Variants in STK32B observed in about 807,000 individuals in gnomAD.
STK32B encodes the protein serine/threonine-protein kinase 32B.
In STK32B, 43 loss-of-function variants were observed where a neutral mutation model predicts 52.6. That is an observed-to-expected ratio of 0.82 (90% CI 0.64 to 1.05). The LOEUF (loss-of-function observed/expected upper bound fraction) is 1.05. Ranked by LOEUF, STK32B falls within the 50% of genes least tolerant of loss-of-function variation. The probability of loss-of-function intolerance (pLI) is 0.00; values close to 1 mark genes in which losing one functional copy is unlikely to be tolerated. For synonymous variants in STK32B, 238 were observed against 204.3 expected, an observed-to-expected ratio of 1.17 and a Z score of -1.41; for missense variants, 621 against 534.6, an observed-to-expected ratio of 1.16 and a Z score of -1.59.
chr4:5,362,370 A>G (rs1479939977), intron 4 of STK32B, among the ~76,000 whole-genome samples: 1 of 152,194 alleles, frequency 6.6e-6, no homozygotes, highest in East Asian at 1.9e-4. Context: ...ACTGAAATTC[A>G]AAACCCTCCT....
At chr4:5,118,676 C>G (rs1363964711) in intron 1 of STK32B, among the ~76,000 whole-genome samples, 6 of 152,162 alleles carry the variant, frequency 3.9e-5, no homozygotes, top group Non-Finnish European at 8.8e-5. Context: ...CACAGTTGTC[C>G]TACTTATTTG....
chr4:5,290,949 G>A (rs1728860547), intron 3 of STK32B, among the ~76,000 whole-genome samples: 1 of 152,054 alleles, frequency 6.6e-6, no homozygotes, highest in South Asian at 2.1e-4. Context: ...AATCTAGGCT[G>A]CATTCTTTCC....
intron 6 of STK32B, among the ~76,000 whole-genome samples, chr4:5,425,300 A>G (rs1461990308): frequency 6.6e-6 from 1 of 152,142 alleles, no homozygotes; most frequent in Non-Finnish European, 1.5e-5. Context: ...CACCCCAAGG[A>G]TCCTGTGACA....
chr4:5,117,501 T>C (rs1366473337), intron 1 of STK32B, among the ~76,000 whole-genome samples: 1 of 152,218 alleles, frequency 6.6e-6, no homozygotes, highest in African/African-American at 2.4e-5. Flanking sequence ...GTTCTTTGAT[T>C]AGTGGGACTA....
intron 1 of STK32B, among the ~76,000 whole-genome samples, chr4:5,080,705 C>A (rs961492939): frequency 6.6e-6 from 1 of 152,062 alleles, no homozygotes; most frequent in Non-Finnish European, 1.5e-5. Flanking sequence ...TGTGATATTT[C>A]AATATACATA....
intron 7 of STK32B, among the ~76,000 whole-genome samples, chr4:5,456,344 T>C (rs1716518992): frequency 6.6e-6 from 1 of 152,190 alleles, no homozygotes; most frequent in South Asian, 2.1e-4. Flanking sequence ...ACCCAGACAC[T>C]GGCCATCTCA....
intron 3 of STK32B, among the ~76,000 whole-genome samples, chr4:5,320,129 C>G (rs1279803883): frequency 6.6e-6 from 1 of 152,116 alleles, no homozygotes; most frequent in South Asian, 2.1e-4. Context: ...AATCCCTCCC[C>G]TTTTTTGATA....
At chr4:5,490,521 TA>T (rs1192868049) in intron 11 of STK32B, among the ~76,000 whole-genome samples, 4 of 152,186 alleles carry the variant, frequency 2.6e-5, no homozygotes, top group Non-Finnish European at 4.4e-5. Flanking sequence ...TCAGGAGGCC[TA>T]AAAGATAAGT....
Position 5,398,344 on chromosome 4 carries a change from T to C in STK32B, c.472+100T>C. On this transcript the variant is annotated intron_variant, in intron 5 of 11. Coordinates refer to ENST00000282908, the MANE Select transcript of STK32B (RefSeq NM_018401.3). This position sits in a 1 kb window ranked among gnomAD's most constrained non-coding sequence, Gnocchi z 4.9. Reference sequence around the variant, plus strand: ...GGGTTGGGTCTTGCTGAGTTGGACATTAGCATTGGCTAGAAACCTTCTCTT... The same window carrying C: ...GGGTTGGGTCTTGCTGAGTTGGACACTAGCATTGGCTAGAAACCTTCTCTT... The C allele has an allele frequency of 3.2e-6, 4 of 1,265,308 alleles. No individual in the cohort carries two copies. The highest frequency in any genetic ancestry group is 4.5e-6 in the Non-Finnish European group (4 of 883,308). 78.4% of individuals were successfully genotyped at this position (1,265,308 alleles called of 1,614,324 possible).
chr4:5,189,693 G>A (rs1480500788), intron 3 of STK32B, among the ~76,000 whole-genome samples: 2 of 152,134 alleles, frequency 1.3e-5, no homozygotes, highest in Non-Finnish European at 2.9e-5. Flanking sequence ...TTGCTGGATT[G>A]TATAGTAAGA....
chr4:5,042,246 A>G, the STK32B span, among the ~76,000 whole-genome samples: 1 of 152,240 alleles, frequency 6.6e-6, no homozygotes, highest in Non-Finnish European at 1.5e-5. Context: ...GCCACAGGAG[A>G]AGTTCTAAAC....
At chr4:5,050,262 A>C (rs753142379), upstream of STK32B, among the ~76,000 whole-genome samples, 9 of 152,116 alleles carry the variant, frequency 5.9e-5, no homozygotes, top group Admixed American at 3.3e-4. Flanking sequence ...CTCACAGACA[A>C]CCCAAGGAGT....
chr4:5,370,937 C>G (rs1577406734), intron 4 of STK32B, among the ~76,000 whole-genome samples: 1 of 151,528 alleles, frequency 6.6e-6, no homozygotes, highest in Non-Finnish European at 1.5e-5. Flanking sequence ...CATGCCACTG[C>G]ACTCCAGCCT....
At chr4:5,286,821 G>A (rs1240536970) in intron 3 of STK32B, among the ~76,000 whole-genome samples, 2 of 121,020 alleles carry the variant, frequency 1.7e-5, no homozygotes, top group Non-Finnish European at 3.1e-5. Context: ...TTTTTGAGAC[G>A]GAGTTTCGCT....
At chr4:5,030,463 T>C in the STK32B span, among the ~76,000 whole-genome samples, 1 of 152,204 alleles carries the variant, frequency 6.6e-6, no homozygotes, top group African/African-American at 2.4e-5. Flanking sequence ...TGCCATGCTG[T>C]CATATCCTGG....
chr4:5,258,392 A>G (rs1342610679), intron 3 of STK32B, among the ~76,000 whole-genome samples: 1 of 152,152 alleles, frequency 6.6e-6, no homozygotes, highest in Non-Finnish European at 1.5e-5. Flanking sequence ...AGTACCTAAC[A>G]TACCCCCAGT....
the STK32B span, among the ~76,000 whole-genome samples, chr4:5,020,245 T>C: frequency 3.6e-4 from 55 of 152,316 alleles, no homozygotes; most frequent in African/African-American, 1.2e-3. Context: ...GCTCTCCACT[T>C]AGACGCCGTG....
At chr4:5,351,010 A>T (rs971872283) in intron 4 of STK32B, among the ~76,000 whole-genome samples, 1 of 152,132 alleles carries the variant, frequency 6.6e-6, no homozygotes, top group African/African-American at 2.4e-5. Context: ...CTCCAGTACA[A>T]TAACAGTTGG....
At chr4:5,347,757 A>G (rs1733562400) in intron 4 of STK32B, among the ~76,000 whole-genome samples, 1 of 152,102 alleles carries the variant, frequency 6.6e-6, no homozygotes, top group Admixed American at 6.5e-5. Context: ...ACAAGATCTG[A>G]TAGTTTAAAA....
Sources: allele counts gnomAD v4.1 joint callset (sites outside exome capture counted in the v4.1 genomes callset), GRCh38; gene constraint gnomAD v4.1.1; non-coding constraint Gnocchi (gnomAD v3.1); transcripts MANE v1.5; gene names NCBI Gene and HGNC (gene_info 2026-07-23, HGNC 2026-07-21).